Variants in PIK3R2 observed in about 807,000 individuals in gnomAD.
PIK3R2 encodes the protein phosphatidylinositol 3-kinase regulatory subunit beta.
Under a neutral mutation model 78.5 loss-of-function variants are expected in PIK3R2, and 40 were observed. The observed-to-expected ratio is 0.51, with a 90% confidence interval of 0.40 to 0.66. The LOEUF is 0.66. PIK3R2 is among the 30% of genes least tolerant of loss of function. The probability of loss-of-function intolerance (pLI) is 0.00; values close to 1 mark genes in which losing one functional copy is unlikely to be tolerated. For synonymous variants in PIK3R2, 473 were observed against 457.7 expected (o/e 1.03, Z -0.43); for missense variants, 880 against 1,026.6 (o/e 0.86, Z 1.95).
Position 18,156,180 on chromosome 19 carries a change from C to T in PIK3R2, c.301C>T (p.Arg101Cys), listed in dbSNP as rs187640248. The change falls in exon 2 of 16, where the codon CGT becomes TGT. Residue 101 changes from arginine to cysteine, a missense_variant. Coordinates refer to ENST00000222254, the MANE Select transcript of PIK3R2 (RefSeq NM_005027.4). The surrounding 1 kb of genome is among the most constrained non-coding windows in gnomAD (Gnocchi z 4.2). ...RGPRPLPARP[R>C]DGAPEPGLTL... is the part of the protein sequence containing the mutation. ...CCCCCGCCCACTGCCCGCCAGGCCC[C>T]GTGATGGGGCCCCTGAGCCAGGTGA... The T allele has an allele frequency of 4.7e-5, 68 of 1,457,260 alleles. No individual in the cohort carries two copies. In the Admixed American group the frequency reaches 9.1e-4, roughly 20 times the overall value. 90.3% of individuals were successfully genotyped at this position (1,457,260 alleles called of 1,614,324 possible).
At chr19:18,165,696 G>A (rs1466904196) in intron 11 of PIK3R2, among the ~76,000 whole-genome samples, 2 of 152,192 alleles carry the variant, frequency 1.3e-5, no homozygotes, top group African/African-American at 4.8e-5. Flanking sequence ...TGTGTTAGCT[G>A]AGGCTCTAAA....
rs149081991 is a variant in PIK3R2, at chr19:18,169,286, G to A, written c.2179G>A (p.Ala727Thr). The A allele has an allele frequency of 0.044, 66,416 of 1,495,138 alleles. 1,847 individuals carry two copies. Among genetic ancestry groups the A allele is most frequent in the Middle Eastern group, 0.061 (256 of 4,198 alleles). The allele number at this position is 1,495,138 out of a possible 1,614,324, so 92.6% of individuals were successfully genotyped here. Residue 727 changes from alanine (A) to threonine (T), a missense_variant, in exon 16 of 16, where the codon GCC (alanine) becomes ACC (threonine). By Grantham distance (58) the Ala-to-Thr change is moderately conservative. Transcript: ENST00000222254. ...RAPGPGPPPAAR is the reference protein window; with the variant it reads ...RAPGPGPPPATR ...CCCGGGCCCCGGCCCGCCGCCTGCC[G>A]CCCGCTGAGCACCGAGGACCCGCCC...
intron 2 of PIK3R2, among the ~76,000 whole-genome samples, chr19:18,160,116 C>T (rs527909138): frequency 6.6e-6 from 1 of 152,322 alleles, no homozygotes; most frequent in Admixed American, 6.5e-5. Flanking sequence ...TGTACAGATT[C>T]TTGCTTTCCT....
chr19:18,161,643 G>A lies in PIK3R2; in HGVS notation c.815+148G>A. ...GCTGCGTTCTTGTGATGACGGAGCG[G>A]AGACCTGGGCTCCTGAGTCGTGGGA... is the stretch of plus-strand genomic sequence containing the variant. On this transcript the variant is annotated intron_variant, in intron 6 of 15. Transcript: ENST00000222254. The surrounding 1 kb of genome is among the most constrained non-coding windows in gnomAD (Gnocchi z 5.3). 2.0e-6 allele frequency: 1 copy of A among 510,398 alleles called. No individual in the cohort carries two copies. The highest frequency in any genetic ancestry group is 3.4e-6 in the Non-Finnish European group (1 of 297,618). 31.6% of individuals were successfully genotyped at this position (510,398 alleles called of 1,614,324 possible).
intron 11 of PIK3R2, among the ~76,000 whole-genome samples, chr19:18,164,640 G>GT (rs10629628): frequency 0.015 from 2,032 of 138,514 alleles, 20 homozygotes; most frequent in Non-Finnish European, 0.017. Context: ...TTTTTGTTTT[G>GT]TTTTTTTTTT....
chr19:18,163,276 A>C lies in PIK3R2; in HGVS notation c.1304A>C (p.Lys435Thr). 6.2e-7 allele frequency: 1 copy of C among 1,614,124 alleles called. No individual in the cohort carries two copies. Among genetic ancestry groups the C allele is most frequent in the Non-Finnish European group, 8.5e-7 (1 of 1,180,010 alleles). Residue 435 changes from lysine (K) to threonine (T), a missense_variant, in exon 11 of 16, where the codon AAG (lysine) becomes ACG (threonine). Physicochemically the swap from Lys to Thr is moderately conservative, Grantham distance 78. This residue lies in a region of PIK3R2 where 156 missense variants were observed against 241.0 expected (regional missense o/e 0.65). Transcript: ENST00000222254. The stretch of plus-strand genomic sequence containing the variant: ...ACGTATCTCCAGGACCAGATTGTCA[A>C]GGAGGACAGCGTGGAGGCAGTGGGC... ...VSKYQQDQIV[K>T]EDSVEAVGAQ... is the part of the protein sequence containing the mutation.
intron 1 of PIK3R2, 88 bp from the exon 2 acceptor site, chr19:18,155,369 G>T (rs1049609510): frequency 4.2e-5 from 15 of 357,784 alleles, no homozygotes; most frequent in Non-Finnish European, 6.5e-5. Context: ...GTGATTCAGG[G>T]AATTCCAAAT....
At position 18,161,658 on chromosome 19, in the gene PIK3R2, G is replaced by A. The variant is rs1164291449; in HGVS notation, c.815+163G>A. On this transcript the variant is annotated intron_variant, in intron 6 of 15. Transcript: ENST00000222254. The surrounding 1 kb of genome is among the most constrained non-coding windows in gnomAD (Gnocchi z 5.3). Reference sequence around the variant, plus strand: ...TGACGGAGCGGAGACCTGGGCTCCTGAGTCGTGGGACAGAAGGTGAAGGGG... The same window carrying A: ...TGACGGAGCGGAGACCTGGGCTCCTAAGTCGTGGGACAGAAGGTGAAGGGG... Among the ~76,000 whole-genome samples the A allele has an allele frequency of 2.0e-5, 3 of 152,198 alleles. No individual in the cohort carries two copies. Among genetic ancestry groups the A allele is most frequent in the Non-Finnish European group, 4.4e-5 (3 of 68,024 alleles).
Position 18,166,286 on chromosome 19 carries a change from GA to G in PIK3R2, c.1544del (p.Glu515GlyfsTer9). The G allele has an allele frequency of 6.2e-7, 1 of 1,614,066 alleles. No individual in the cohort carries two copies. The highest frequency in any genetic ancestry group is 8.5e-7 in the Non-Finnish European group (1 of 1,179,962). On this transcript the variant is annotated frameshift_variant, in exon 12 of 16. Transcript: ENST00000222254. LOFTEE classifies it high-confidence loss of function. ...GGAGCGCTTCCGGCGTGAGGGCAAC[GA>G]GAAAGAGATGCAAAGGTGAGTCTGG... Reference protein sequence around the residue: ...YLERFRREGNEKEMQRILLNS... With the variant: ...YLERFRREGNXKEMQRILLNS...
intron 2 of PIK3R2, among the ~76,000 whole-genome samples, chr19:18,159,093 C>T (rs982752934): frequency 2.8e-5 from 4 of 142,244 alleles, no homozygotes; most frequent in South Asian, 2.3e-4. Context: ...ATGCTCACCT[C>T]GGCCTCCCAA....
rs1967134562 is a variant in PIK3R2, at chr19:18,169,613, C to G, written c.*319C>G. ...CTGGTCACCCTGACCCTCTGCCCTG[C>G]CCACCGCAGGTCCCCCGGGGTCCCG... On this transcript the variant is annotated 3_prime_UTR_variant, in exon 16 of 16. Transcript: ENST00000222254. 3.7e-6 allele frequency: 1 copy of G among 268,996 alleles called. No individual in the cohort carries two copies. The highest frequency in any genetic ancestry group is 2.2e-5 in the African/African-American group (1 of 45,200). 16.7% of individuals were successfully genotyped at this position (268,996 alleles called of 1,614,324 possible). A position where few individuals can be genotyped will look rare whatever the true frequency, so the allele number is the denominator to read the frequency against.
intron 10 of PIK3R2, 36 bp from the exon 11 acceptor site, chr19:18,163,227 C>T: frequency 2.5e-6 from 4 of 1,614,070 alleles, no homozygotes. Flanking sequence ...CCCGACCAGG[C>T]TATGCATCTC....
intron 2 of PIK3R2, among the ~76,000 whole-genome samples, chr19:18,157,831 G>A (rs900362268): frequency 1.0e-4 from 15 of 144,512 alleles, no homozygotes; most frequent in African/African-American, 3.3e-4. Context: ...CGCAGGCCCC[G>A]GCTTGCCCCT....
chr19:18,166,267 C>T lies in PIK3R2; in HGVS notation c.1524C>T (p.Arg508=). ...QEKCSKEYLE[R]FRREGNEKEM... ...AATGCAGCAAGGAATACCTGGAGCGCTTCCGGCGTGAGGGCAACGAGAAAG... is the reference window on the plus strand; with the variant it reads ...AATGCAGCAAGGAATACCTGGAGCGTTTCCGGCGTGAGGGCAACGAGAAAG... The change falls in exon 12 of 16, where the codon CGC becomes CGT. Residue 508 remains arginine (R), a synonymous_variant. Transcript: ENST00000222254. 1 of 1,614,184 alleles carries T rather than the reference C, an allele frequency of 6.2e-7. No homozygotes were observed. Among genetic ancestry groups the T allele is most frequent in the South Asian group, 1.1e-5 (1 of 91,086 alleles).
chr19:18,165,970 G>A (rs2043805482), intron 11 of PIK3R2, 190 bp from the exon 12 acceptor site: 1 of 739,142 alleles, frequency 1.4e-6, no homozygotes, highest in Non-Finnish European at 2.4e-6. Flanking sequence ...TAAAGAAGAA[G>A]AGGGTTTGGG....
Position 18,162,215 on chromosome 19 carries a change from ACC to A in PIK3R2, c.920_921del (p.Pro307GlnfsTer22). The A allele has an allele frequency of 6.3e-7, 1 of 1,576,688 alleles. No homozygotes were observed. The highest frequency in any genetic ancestry group is 8.7e-7 in the Non-Finnish European group (1 of 1,148,500). On this transcript the variant is annotated frameshift_variant, in exon 8 of 16. Coordinates refer to ENST00000222254, the MANE Select transcript of PIK3R2 (RefSeq NM_005027.4). LOFTEE classifies it high-confidence loss of function. ...CCTGTCCCCCAGCGCTGCCGCCTAA[ACC>A]CCCCAAGGCAAAGCCGGCCTCCACA... is the stretch of plus-strand genomic sequence containing the variant. ...EVAPPALPPK[P>X]PKAKPASTVL...
chr19:18,163,374 A>G lies in PIK3R2; in HGVS notation c.1402A>G (p.Thr468Ala). 1 of 1,614,054 alleles carries G rather than the reference A, an allele frequency of 6.2e-7. No homozygotes were observed. The highest frequency in any genetic ancestry group is 2.2e-5 in the East Asian group (1 of 44,888). Reference protein sequence around the residue: ...REYDQLYEEYTRTSQELQMKR... With the variant: ...REYDQLYEEYARTSQELQMKR... ...GTATGACCAGCTTTATGAAGAGTAC[A>G]CACGGACCTCCCAGGTACTCCAGGC... Residue 468 changes from threonine to alanine, a missense_variant, in exon 11 of 16, where the codon ACA becomes GCA. Transcript: ENST00000222254.
At chr19:18,162,674 A>C in intron 9 of PIK3R2, 168 bp downstream of exon 9, 1 of 637,634 alleles carries the variant, frequency 1.6e-6, no homozygotes, top group South Asian at 1.9e-5. Context: ...ACCTGAGGTC[A>C]GGAGTTTAAA....
chr19:18,159,882 C>T (rs1321418580), intron 2 of PIK3R2, among the ~76,000 whole-genome samples: 1 of 152,020 alleles, frequency 6.6e-6, no homozygotes, highest in South Asian at 2.1e-4. Context: ...GCTGGGATTA[C>T]AGGCACCCAC....
Sources: gnomAD v4.1 joint callset for allele counts (sites outside exome capture counted in the v4.1 genomes callset) on GRCh38, gnomAD v4.1.1 for gene constraint, gnomAD v4.1.1 regional missense constraint, Gnocchi (gnomAD v3.1) non-coding constraint, MANE v1.5 for transcripts, NCBI Gene and HGNC (gene_info 2026-07-23, HGNC 2026-07-21) for gene names.